Variants in PTPRG observed in about 807,000 individuals in gnomAD.
PTPRG encodes protein tyrosine phosphatase receptor type G.
PTPRG carries 102 observed loss-of-function variants against 165.3 expected under a neutral mutation model. The observed-to-expected ratio is 0.62, with a 90% CI of 0.53 to 0.73. The LOEUF is 0.73. PTPRG is among the 30% of genes least tolerant of loss of function. PTPRG has a pLI of 0.00. For missense variants in PTPRG, 1,866 were observed against 1,861.4 expected (o/e 1.00, Z -0.05); for synonymous variants, 675 against 669.5 (o/e 1.01, Z -0.13).
intron 2 of PTPRG, among the ~76,000 whole-genome samples, chr3:61,794,843 A>G (rs571829829): frequency 3.3e-5 from 5 of 152,160 alleles, no homozygotes; most frequent in Non-Finnish European, 7.3e-5. Context: ...AAAGGAATTT[A>G]GGTGTGTTTT....
intron 6 of PTPRG, 35 bp from the exon 7 acceptor site, chr3:62,157,032 C>A (rs747818736): frequency 6.4e-7 from 1 of 1,552,556 alleles, no homozygotes; most frequent in Non-Finnish European, 8.9e-7. Context: ...CATGACTTAC[C>A]ATTGTGCTTT....
chr3:62,093,319 G>C (rs895638455), intron 5 of PTPRG, among the ~76,000 whole-genome samples: 1 of 152,148 alleles, frequency 6.6e-6, no homozygotes, highest in Non-Finnish European at 1.5e-5. Context: ...CAACTCCTGA[G>C]GTTCATGATC....
At position 61,698,892 on chromosome 3, in the gene PTPRG, C is replaced by T. The variant is rs183989079; in HGVS notation, c.86-49986C>T. On this transcript the variant is annotated intron_variant, in intron 1 of 29. Transcript: ENST00000474889. ...TAGGGACATGGATGAAACTGGAAAC[C>T]ATCATTCTCAGCAAACTATCGCAAG... Among the ~76,000 whole-genome samples, 603 of 152,074 alleles carry T rather than the reference C, an allele frequency of 4.0e-3. 9 individuals are homozygous for T. The highest frequency in any genetic ancestry group is 1.9e-3 in the Non-Finnish European group (127 of 67,994).
chr3:61,998,378 A>G (rs1275465043), intron 3 of PTPRG, among the ~76,000 whole-genome samples: 1 of 152,192 alleles, frequency 6.6e-6, no homozygotes, highest in Non-Finnish European at 1.5e-5. Flanking sequence ...CACCAGTGCT[A>G]TTCTATGATG....
At chr3:62,007,409 A>G (rs1300563426) in intron 4 of PTPRG, among the ~76,000 whole-genome samples, 1 of 152,252 alleles carries the variant, frequency 6.6e-6, no homozygotes, top group African/African-American at 2.4e-5. Context: ...AAGCTCTTCA[A>G]TAACCAGTGT....
At chr3:61,696,547 A>G (rs1397331958) in intron 1 of PTPRG, among the ~76,000 whole-genome samples, 2 of 152,190 alleles carry the variant, frequency 1.3e-5, no homozygotes, top group Non-Finnish European at 2.9e-5. Context: ...CTTATTTGCA[A>G]TGTGAGCCCA....
intron 4 of PTPRG, among the ~76,000 whole-genome samples, chr3:62,035,552 C>G (rs771957176): frequency 5.3e-5 from 8 of 152,216 alleles, no homozygotes; most frequent in Non-Finnish European, 1.2e-4. Context: ...TCCTGTTCAG[C>G]TCAGTCCCTA....
intron 1 of PTPRG, among the ~76,000 whole-genome samples, chr3:61,697,001 G>A (rs1364497357): frequency 6.6e-6 from 1 of 152,104 alleles, no homozygotes; most frequent in African/African-American, 2.4e-5. Context: ...TGATTTTGAT[G>A]GAATTCAGGA....
chr3:61,594,770 T>A (rs1281573090), intron 1 of PTPRG, among the ~76,000 whole-genome samples: 2 of 152,192 alleles, frequency 1.3e-5, no homozygotes, highest in African/African-American at 4.8e-5. Flanking sequence ...ACTACACTAA[T>A]AATCTGGCAG....
rs1700415698 is a variant in PTPRG, at chr3:62,213,477, T to A, written c.2156-5374T>A. ...TAGCCATAACTTACATAGTCTGTTT[T>A]CACACGGACGATCTTTTTTCATCCT... On this transcript the variant is annotated intron_variant, in intron 12 of 29. Coordinates refer to ENST00000474889, the MANE Select transcript of PTPRG (RefSeq NM_002841.4). The surrounding 1 kb of genome is among the most constrained non-coding windows in gnomAD (Gnocchi z 4.4). Among the ~76,000 whole-genome samples, 1 of 152,192 alleles carries A rather than the reference T, an allele frequency of 6.6e-6. No individual in the cohort carries two copies. The highest frequency in any genetic ancestry group is 1.5e-5 in the Non-Finnish European group (1 of 68,036).
intron 6 of PTPRG, among the ~76,000 whole-genome samples, chr3:62,144,689 G>A (rs1458818656): frequency 1.3e-5 from 2 of 152,104 alleles, no homozygotes; most frequent in East Asian, 3.9e-4. Context: ...TCTAGAAACA[G>A]GCACACTTAA....
At chr3:61,836,283 C>G (rs2107313136) in intron 2 of PTPRG, among the ~76,000 whole-genome samples, 1 of 152,308 alleles carries the variant, frequency 6.6e-6, no homozygotes, top group South Asian at 2.1e-4. Flanking sequence ...CCACTACCCT[C>G]TGACCTCTCT....
Position 62,105,694 on chromosome 3 carries a change from GTAT to G in PTPRG, c.616-26903_616-26901del, listed in dbSNP as rs554985448. 1.7e-3 allele frequency among the ~76,000 whole-genome samples: 265 copies of G among 152,292 alleles called. 2 individuals carry two copies. The highest frequency in any genetic ancestry group is 3.1e-3 in the Admixed American group (47 of 15,302). ...TAGAGCCACAATATGGGTGGATTTG[GTAT>G]TATTCAGTCTGGGCAGTTGAGGTTC... On this transcript the variant is annotated intron_variant, in intron 5 of 29. Coordinates refer to ENST00000474889, the MANE Select transcript of PTPRG (RefSeq NM_002841.4).
rs1266408780 is a variant in PTPRG, at chr3:62,281,594, G to A, written c.3797G>A (p.Arg1266Gln). The A allele has an allele frequency of 1.9e-5, 28 of 1,457,404 alleles. No homozygotes were observed. The highest frequency in any genetic ancestry group is 1.9e-4 in the Middle Eastern group (1 of 5,212). 90.3% of individuals were successfully genotyped at this position (1,457,404 alleles called of 1,614,324 possible). A position where few individuals can be genotyped will look rare whatever the true frequency, so the allele number is the denominator to read the frequency against. Residue 1266 changes from arginine (R) to glutamine (Q), a missense_variant, in exon 27 of 30, where the codon CGA becomes CAA. Around this residue, in one of 3 missense-constraint regions of PTPRG, gnomAD observed 1,452 missense variants for 1,463.0 expected, o/e 0.99. Coordinates refer to ENST00000474889, the MANE Select transcript of PTPRG (RefSeq NM_002841.4). ...GATGAGTTTGTGTACTGGCCAAGTC[G>A]AGAAGAATCCATGAACTGTGAGGCC... ...AEDEFVYWPS[R>Q]EESMNCEAFT...
intron 2 of PTPRG, among the ~76,000 whole-genome samples, chr3:61,777,134 A>G (rs1344187447): frequency 2.6e-5 from 4 of 152,174 alleles, no homozygotes; most frequent in African/African-American, 7.2e-5. Context: ...CTCTTAGTCA[A>G]TACCTAATAA....
chr3:62,294,032 G>A lies in PTPRG; in HGVS notation c.*725G>A, dbSNP rs1702985663. ...TTACAGCTTTCACAGTAGCTATGTG[G>A]ACAATGTGTTATTTCCATTTTGACT... On this transcript the variant is annotated 3_prime_UTR_variant, in exon 30 of 30. Coordinates refer to ENST00000474889, the MANE Select transcript of PTPRG (RefSeq NM_002841.4). 1 of 152,474 alleles carries A rather than the reference G, an allele frequency of 6.6e-6. No individual in the cohort carries two copies. The highest frequency in any genetic ancestry group is 2.1e-4 in the South Asian group (1 of 4,828). 9.4% of individuals were successfully genotyped at this position (152,474 alleles called of 1,614,324 possible). A position where few individuals can be genotyped will look rare whatever the true frequency, so the allele number is the denominator to read the frequency against.
intron 2 of PTPRG, among the ~76,000 whole-genome samples, chr3:61,758,241 C>G (rs1372445623): frequency 6.6e-6 from 1 of 151,988 alleles, no homozygotes; most frequent in Admixed American, 6.6e-5. Flanking sequence ...CCCGATTTAG[C>G]CTCTCAAAGT....
At chr3:61,687,816 A>G (rs1327684184) in intron 1 of PTPRG, among the ~76,000 whole-genome samples, 4 of 152,230 alleles carry the variant, frequency 2.6e-5, no homozygotes, top group Admixed American at 2.6e-4. Context: ...TTTGTTAAAT[A>G]GCCCTCAGAA....
chr3:62,269,242 G>T, intron 20 of PTPRG, 73 bp downstream of exon 20: 2 of 1,406,330 alleles, frequency 1.4e-6, no homozygotes, highest in Non-Finnish European at 9.5e-7. Context: ...GTACAACCAA[G>T]GCCAAATCTC....
Sources: gnomAD v4.1 joint callset for allele counts (sites outside exome capture counted in the v4.1 genomes callset) on GRCh38, gnomAD v4.1.1 for gene constraint, gnomAD v4.1.1 regional missense constraint, Gnocchi (gnomAD v3.1) non-coding constraint, MANE v1.5 for transcripts, NCBI Gene and HGNC (gene_info 2026-07-23, HGNC 2026-07-21) for gene names.